Variants in IFT140 observed in about 807,000 individuals in gnomAD.
IFT140 encodes the protein intraflagellar transport protein 140 homolog.
A neutral mutation model predicts 164.6 loss-of-function variants in IFT140; 133 were observed. The observed-to-expected ratio is 0.81, with a 90% CI of 0.70 to 0.93. The LOEUF is 0.93. Among genes scored for constraint, IFT140 ranks in the 40% least tolerant of loss-of-function variants. IFT140 has a pLI of 0.00. For missense variants in IFT140, 2,045 were observed against 1,972.3 expected, an observed-to-expected ratio of 1.04 and a Z score of -0.70; for synonymous variants, 860 against 817.3, an observed-to-expected ratio of 1.05 and a Z score of -0.89.
At chr16:1,609,770 A>AC in intron 2 of IFT140, among the ~76,000 whole-genome samples, 1 of 152,356 alleles carries the variant, frequency 6.6e-6, no homozygotes, top group Admixed American at 6.5e-5. Flanking sequence ...AAAAGTTAAC[A>AC]CAAGGAGGAG....
Position 1,566,180 on chromosome 16 carries a change from T to C in IFT140, c.1882A>G (p.Asn628Asp), listed in dbSNP as rs780845296. 1 of 1,613,782 alleles carries C rather than the reference T, an allele frequency of 6.2e-7. No individual in the cohort carries two copies. The highest frequency in any genetic ancestry group is 2.2e-5 in the East Asian group (1 of 44,882). Residue 628 changes from asparagine (N) to aspartate (D), a missense_variant, in exon 16 of 31, where the codon AAT becomes GAT. Asn to Asp is a conservative substitution (Grantham distance 23). Coordinates refer to ENST00000426508, the MANE Select transcript of IFT140 (RefSeq NM_014714.4). ...QIDRRETLSF[N>D]EQETNKSHLF... is the part of the protein sequence containing the mutation. Reference sequence around the variant, plus strand: ...TCTTACTTATTAGTCTCTTGCTCATTAAAGGACAGCGTCTCTCTCCGATCA... The same window carrying C: ...TCTTACTTATTAGTCTCTTGCTCATCAAAGGACAGCGTCTCTCTCCGATCA...
chr16:1,562,901 C>T (rs553027881), intron 17 of IFT140, among the ~76,000 whole-genome samples: 1 of 152,268 alleles, frequency 6.6e-6, no homozygotes, highest in African/African-American at 2.4e-5. Flanking sequence ...AGAAGCAGAA[C>T]AAGCAACACC....
intron 19 of IFT140, chr16:1,534,595 A>G (rs1290181478): frequency 7.5e-6 from 12 of 1,595,702 alleles, no homozygotes; most frequent in Non-Finnish European, 1.0e-5. Context: ...AGCGTGGCCG[A>G]GGCTCGAGGG....
At chr16:1,573,495 G>C (rs2034124650) in intron 13 of IFT140, among the ~76,000 whole-genome samples, 1 of 151,872 alleles carries the variant, frequency 6.6e-6, no homozygotes, top group African/African-American at 2.4e-5. Flanking sequence ...CTGTCTCTTA[G>C]ACACCCCTAA....
In IFT140 at chr16:1,541,582, C is replaced by G. The variant is rs921525811; in HGVS notation, c.2400-14786G>C. 2.1e-5 allele frequency: 17 copies of G among 821,590 alleles called. No homozygotes were observed. The African/African-American group carries it at 2.6e-4, about 13-fold the overall frequency. The allele number at this position is 821,590 out of a possible 1,614,324, so 50.9% of individuals were successfully genotyped here. On this transcript the variant is annotated intron_variant, in intron 19 of 30. Transcript: ENST00000426508. ...GGCTTCCCCTTCCCACCTCCACCCC[C>G]ACGCCAGCGCCTTCAAGGGTCAAGT... is the stretch of plus-strand genomic sequence containing the variant.
Position 1,545,026 on chromosome 16 carries a change from G to A in IFT140, c.2399+12909C>T, listed in dbSNP as rs192795471. 2.6e-4 allele frequency among the ~76,000 whole-genome samples: 39 copies of A among 152,322 alleles called. No individual in the cohort carries two copies. In the East Asian group the frequency reaches 6.7e-3, roughly 26 times the overall value. On this transcript the variant is annotated intron_variant, in intron 19 of 30. Coordinates refer to ENST00000426508, the MANE Select transcript of IFT140 (RefSeq NM_014714.4). ...AGGACTACTGTGGATTTGGCATGTC[G>A]AAAATGACAGCTTACTTCCTGCAAA...
rs73497509 is a variant in IFT140, at chr16:1,512,488, G to C, written c.4183-1338C>G. 8.8e-3 allele frequency among the ~76,000 whole-genome samples: 1,333 copies of C among 152,184 alleles called. 16 individuals carry two copies. The highest frequency in any genetic ancestry group is 0.031 in the African/African-American group (1,271 of 41,512). On this transcript the variant is annotated intron_variant, in intron 30 of 30. Transcript: ENST00000426508. ...CAGTTTCTTTTTTCTTTTGTATCTC[G>C]AGTTACTAAATTCCACAGGCTTCAA...
intron 3 of IFT140, among the ~76,000 whole-genome samples, chr16:1,606,798 A>G (rs2036083751): frequency 6.6e-6 from 1 of 152,038 alleles, no homozygotes; most frequent in African/African-American, 2.4e-5. Flanking sequence ...GCTAGAGTAG[A>G]GTTCGTTTGA....
chr16:1,514,112 T>C (rs2040271434), intron 30 of IFT140, among the ~76,000 whole-genome samples: 1 of 149,754 alleles, frequency 6.7e-6, no homozygotes. Context: ...CTCACGCCTG[T>C]AATCCCAGCA....
At chr16:1,528,433 G>A (rs1596310032) in intron 19 of IFT140, among the ~76,000 whole-genome samples, 1 of 148,746 alleles carries the variant, frequency 6.7e-6, no homozygotes, top group African/African-American at 2.5e-5. Context: ...ACACACAGAT[G>A]CACACACACA....
chr16:1,600,977 A>G (rs1270969770), intron 4 of IFT140, among the ~76,000 whole-genome samples: 1 of 152,142 alleles, frequency 6.6e-6, no homozygotes, highest in African/African-American at 2.4e-5. Flanking sequence ...GATTAAAAAA[A>G]ACTAGCCAGA....
chr16:1,601,265 A>G (rs1211196785), intron 4 of IFT140, among the ~76,000 whole-genome samples: 1 of 147,296 alleles, frequency 6.8e-6, no homozygotes, highest in Non-Finnish European at 1.5e-5. Context: ...TTCCATCACA[A>G]AAAAAAAAAA....
chr16:1,544,332 C>T (rs993291600), intron 19 of IFT140, among the ~76,000 whole-genome samples: 5 of 151,898 alleles, frequency 3.3e-5, no homozygotes, highest in Non-Finnish European at 7.4e-5. Context: ...TACAGGCGCC[C>T]GCCACCATGC....
At chr16:1,568,149 A>T in intron 15 of IFT140, 68 bp downstream of exon 15, 1 of 1,110,084 alleles carries the variant, frequency 9.0e-7, no homozygotes, top group Non-Finnish European at 1.3e-6. Flanking sequence ...ACGAGCAGGC[A>T]GGAGGCCTGG....
At chr16:1,603,916 C>T (rs916785377) in intron 3 of IFT140, among the ~76,000 whole-genome samples, 1 of 152,160 alleles carries the variant, frequency 6.6e-6, no homozygotes, top group Non-Finnish European at 1.5e-5. Context: ...CATCATTGTC[C>T]AATAGATCAC....
Position 1,587,251 on chromosome 16 carries a change from A to G in IFT140, c.956T>C (p.Phe319Ser), listed in dbSNP as rs1214383677. The G allele has an allele frequency of 9.3e-6, 15 of 1,613,366 alleles. No homozygotes were observed. The highest frequency in any genetic ancestry group is 1.2e-5 in the Non-Finnish European group (14 of 1,179,352). Residue 319 changes from phenylalanine (F) to serine (S), a missense_variant, in exon 9 of 31, where the codon TTT (phenylalanine) becomes TCT (serine). Phe to Ser is a radical substitution (Grantham distance 155). Transcript: ENST00000426508. ...ENYILSPDEK[F>S]GFEKGENMNC... is the part of the protein sequence containing the mutation. ...CATATTCTCTCCTTTCTCAAAGCCAAACTTCTCATCTGGACTCAGTATATA... is the reference window on the plus strand; with the variant it reads ...CATATTCTCTCCTTTCTCAAAGCCAGACTTCTCATCTGGACTCAGTATATA...
chr16:1,529,714 T>C (rs2030234748), intron 19 of IFT140, among the ~76,000 whole-genome samples: 1 of 152,226 alleles, frequency 6.6e-6, no homozygotes, highest in Non-Finnish European at 1.5e-5. Flanking sequence ...TTCTCCTTTA[T>C]GCTGAGGTCC....
At chr16:1,563,485 C>T (rs2033539053) in intron 17 of IFT140, among the ~76,000 whole-genome samples, 1 of 151,738 alleles carries the variant, frequency 6.6e-6, no homozygotes, top group African/African-American at 2.4e-5. Flanking sequence ...GATTTCTTTC[C>T]TAGAGAGAGA....
chr16:1,588,247 C>A (rs1432956678), intron 7 of IFT140, among the ~76,000 whole-genome samples: 1 of 152,116 alleles, frequency 6.6e-6, no homozygotes, highest in Admixed American at 6.5e-5. Context: ...GCTACTGGGC[C>A]GGCCGCAGTG....
Sources: allele counts gnomAD v4.1 joint callset (sites outside exome capture counted in the v4.1 genomes callset), GRCh38; gene constraint gnomAD v4.1.1; transcripts MANE v1.5; gene names NCBI Gene and HGNC (gene_info 2026-07-23, HGNC 2026-07-21).